Variants in SLC39A11 observed in about 807,000 individuals in gnomAD.
SLC39A11 encodes the protein solute carrier family 39 member 11, also known as zinc transporter ZIP11.
A neutral mutation model predicts 36.1 loss-of-function variants in SLC39A11; 33 were observed. The observed-to-expected ratio is 0.91, with a 90% CI of 0.69 to 1.22. The LOEUF is 1.22. Ranked by LOEUF, SLC39A11 falls within the 50% of genes most tolerant of loss-of-function variation. SLC39A11 has a pLI of 0.00. For synonymous variants in SLC39A11, 166 were observed against 170.3 expected, an observed-to-expected ratio of 0.97 and a Z score of 0.20; for missense variants, 432 against 430.3, an observed-to-expected ratio of 1.00 and a Z score of -0.03.
intron 5 of SLC39A11, among the ~76,000 whole-genome samples, chr17:72,859,547 C>A (rs796573008): frequency 6.6e-6 from 1 of 150,380 alleles, no homozygotes; most frequent in African/African-American, 2.4e-5. Flanking sequence ...CCAGGACTTC[C>A]TGCTCCACAG....
At chr17:72,779,171 C>G (rs1213243178) in intron 6 of SLC39A11, among the ~76,000 whole-genome samples, 1 of 152,162 alleles carries the variant, frequency 6.6e-6, no homozygotes, top group Non-Finnish European at 1.5e-5. Context: ...GGGCTGGATG[C>G]GGTGGCTCAC....
At chr17:72,962,695 C>T (rs2086692481) in intron 4 of SLC39A11, among the ~76,000 whole-genome samples, 1 of 152,156 alleles carries the variant, frequency 6.6e-6, no homozygotes, top group Non-Finnish European at 1.5e-5. Context: ...CGCCACCACA[C>T]CTGGCTAAGT....
At chr17:73,011,863 T>C (rs2090543580) in intron 4 of SLC39A11, among the ~76,000 whole-genome samples, 1 of 151,000 alleles carries the variant, frequency 6.6e-6, no homozygotes, top group African/African-American at 2.4e-5. Flanking sequence ...GGTTTCACCA[T>C]GTTGGCCAGG....
chr17:72,865,410 C>CG lies in SLC39A11; in HGVS notation c.431-15607dup, dbSNP rs1239529575. Among the ~76,000 whole-genome samples, 8 of 92,246 alleles carry CG rather than the reference C, an allele frequency of 8.7e-5. No individual in the cohort carries two copies. The South Asian group carries it at 1.2e-3, about 14-fold the overall frequency. The allele number at this position is 92,246 out of a possible 152,430, so 60.5% of individuals were successfully genotyped here. A position where few individuals can be genotyped will look rare whatever the true frequency, so the allele number is the denominator to read the frequency against. ...GTGGTCTCTGAAGAAAAAAACTGCT[C>CG]GAAAAAAAAAAAAAAAACAACTTTG... On this transcript the variant is annotated intron_variant, in intron 5 of 9. Transcript: ENST00000255559.
chr17:72,968,369 T>C (rs1411738796), intron 4 of SLC39A11, among the ~76,000 whole-genome samples: 1 of 152,038 alleles, frequency 6.6e-6, no homozygotes, highest in Non-Finnish European at 1.5e-5. Context: ...CTCTCTCTCT[T>C]TTTTCTTTTT....
intron 6 of SLC39A11, among the ~76,000 whole-genome samples, chr17:72,807,169 C>G (rs2077283320): frequency 6.6e-6 from 1 of 152,120 alleles, no homozygotes; most frequent in African/African-American, 2.4e-5. Flanking sequence ...TGAGGATATT[C>G]ATCATTTTCA....
At position 72,947,858 on chromosome 17, in the gene SLC39A11, G is replaced by T. The variant is rs1405757207; in HGVS notation, c.324C>A (p.Pro108=). 1 of 1,613,838 alleles carries T rather than the reference G, an allele frequency of 6.2e-7. No individual in the cohort carries two copies. Among genetic ancestry groups the T allele is most frequent in the Admixed American group, 1.7e-5 (1 of 60,006 alleles). The change falls in exon 5 of 10, where the codon CCC becomes CCA. Residue 108 remains proline, a synonymous_variant. Coordinates refer to ENST00000255559, the MANE Select transcript of SLC39A11 (RefSeq NM_139177.4). ...CGAAGTTCAGTGCCAGGGTCGTCTG[G>T]GGGTCTTCTGCTGCACCCTGAAACA... is the stretch of plus-strand genomic sequence containing the variant. ...LMPHLGAAED[P]QTTLALNFGS...
intron 3 of SLC39A11, among the ~76,000 whole-genome samples, chr17:73,043,711 C>T (rs1408847583): frequency 6.6e-6 from 1 of 152,166 alleles, no homozygotes. Context: ...AGAGAGCAGA[C>T]AGAGAAACTT....
intron 4 of SLC39A11, among the ~76,000 whole-genome samples, chr17:73,013,500 G>T (rs2090639006): frequency 6.6e-6 from 1 of 152,214 alleles, no homozygotes; most frequent in African/African-American, 2.4e-5. Flanking sequence ...TGCAAAAGCA[G>T]CTGCAGGGGA....
intron 5 of SLC39A11, among the ~76,000 whole-genome samples, chr17:72,902,896 C>G (rs8070028): frequency 0.026 from 4,014 of 152,170 alleles, 179 homozygotes; most frequent in African/African-American, 0.09. Context: ...ATAAGGGAAA[C>G]TCAGAATTAT....
chr17:72,724,278 C>T (rs564890779), intron 7 of SLC39A11, among the ~76,000 whole-genome samples: 137 of 152,198 alleles, frequency 9.0e-4, no homozygotes, highest in African/African-American at 2.8e-3. Context: ...TCTCCCTGTT[C>T]GCTTCCCAGC....
chr17:72,849,471 G>C, intron 6 of SLC39A11, 163 bp downstream of exon 6: 1 of 613,078 alleles, frequency 1.6e-6, no homozygotes, highest in Admixed American at 3.6e-5. Context: ...TATCTATGAC[G>C]ATCAAAAAAT....
At chr17:73,029,091 C>G (rs1172004214) in intron 4 of SLC39A11, among the ~76,000 whole-genome samples, 1 of 150,140 alleles carries the variant, frequency 6.7e-6, no homozygotes, top group Non-Finnish European at 1.5e-5. Flanking sequence ...GCACTCCAGC[C>G]TGGGTGACAG....
At chr17:72,705,247 T>C (rs2072839560) in intron 7 of SLC39A11, among the ~76,000 whole-genome samples, 1 of 152,254 alleles carries the variant, frequency 6.6e-6, no homozygotes, top group Admixed American at 6.5e-5. Flanking sequence ...GATACTTTTA[T>C]AGTGAAGACA....
intron 4 of SLC39A11, among the ~76,000 whole-genome samples, chr17:72,995,105 C>G (rs764376035): frequency 8.5e-5 from 13 of 152,190 alleles, no homozygotes; most frequent in Non-Finnish European, 1.2e-4. Flanking sequence ...CATCTCTCAA[C>G]ACTTTCAAGC....
intron 6 of SLC39A11, among the ~76,000 whole-genome samples, chr17:72,757,077 A>G (rs374659603): frequency 5.4e-4 from 82 of 151,814 alleles, no homozygotes; most frequent in African/African-American, 1.9e-3. Flanking sequence ...GAGGCAGGAG[A>G]ATCGCTTGAA....
At chr17:73,002,380 C>A (rs952470303) in intron 4 of SLC39A11, among the ~76,000 whole-genome samples, 1 of 152,146 alleles carries the variant, frequency 6.6e-6, no homozygotes, top group African/African-American at 2.4e-5. Context: ...TGATCTCAGT[C>A]GGTGGGATGC....
intron 6 of SLC39A11, among the ~76,000 whole-genome samples, chr17:72,741,098 C>T (rs1241754768): frequency 6.6e-6 from 1 of 152,140 alleles, no homozygotes; most frequent in Non-Finnish European, 1.5e-5. Context: ...AAGCAGACGC[C>T]CGCAACACTT....
At chr17:72,715,281 G>A (rs978019554) in intron 7 of SLC39A11, among the ~76,000 whole-genome samples, 5 of 152,224 alleles carry the variant, frequency 3.3e-5, no homozygotes, top group African/African-American at 7.2e-5. Context: ...GAATGATTTA[G>A]CAATGCCTCT....
Sources: gnomAD v4.1 joint callset for allele counts (sites outside exome capture counted in the v4.1 genomes callset) on GRCh38, gnomAD v4.1.1 for gene constraint, MANE v1.5 for transcripts, NCBI Gene and HGNC (gene_info 2026-07-23, HGNC 2026-07-21) for gene names.